DENND4A: variants seen among roughly 807,000 people sequenced by gnomAD.
DENND4A encodes the protein C-myc promoter-binding protein.
Under a neutral mutation model 199.3 loss-of-function variants are expected in DENND4A, and 70 were observed. The observed-to-expected ratio is 0.35, with a 90% confidence interval of 0.29 to 0.43. DENND4A has a LOEUF of 0.43. DENND4A is among the 20% of genes least tolerant of loss of function. The pLI, the probability that DENND4A is intolerant of heterozygous loss-of-function variation, is 1.00. For synonymous variants in DENND4A, 686 were observed against 766.9 expected (o/e 0.89, Z 1.74); for missense variants, 1,723 against 2,255.8 (o/e 0.76, Z 4.78).
chr15:65,779,979 A>T (rs2077393717), intron 1 of DENND4A, among the ~76,000 whole-genome samples: 2 of 151,940 alleles, frequency 1.3e-5, no homozygotes, highest in Admixed American at 1.3e-4. Context: ...GGCTCAAGTG[A>T]TCCTCCTGCT....
At chr15:65,709,742 A>ATATATATATATATATG (rs1596490670) in intron 14 of DENND4A, among the ~76,000 whole-genome samples, 1 of 140,084 alleles carries the variant, frequency 7.1e-6, no homozygotes, top group Non-Finnish European at 1.5e-5. Flanking sequence ...ATATATATAT[A>ATATATATATATATATG]ATCTCGTGAC....
Position 65,703,007 on chromosome 15 carries a change from A to G in DENND4A, c.2089T>C (p.Tyr697His), listed in dbSNP as rs1475775646. The G allele has an allele frequency of 1.2e-6, 2 of 1,610,968 alleles. No homozygotes were observed. The highest frequency in any genetic ancestry group is 1.7e-6 in the Non-Finnish European group (2 of 1,178,908). The change falls in exon 16 of 33, where the codon TAT becomes CAT. Residue 697 changes from tyrosine (Y) to histidine (H), a missense_variant and splice_region_variant. Tyr to His is a moderately conservative substitution (Grantham distance 83, BLOSUM62 2). Around this residue, in one of 6 missense-constraint regions of DENND4A, gnomAD observed 725 missense variants for 952.9 expected, o/e 0.76. Transcript: ENST00000443035. ...NGEEPPLQYS[Y>H]NGFPVLRNNL... The stretch of plus-strand genomic sequence containing the variant: ...TTCCTAAGAACTGGAAATCCATTAT[A>G]GCTGTTTTAGAAAAAACAAAACAAA...
intron 2 of DENND4A, among the ~76,000 whole-genome samples, chr15:65,759,547 T>C (rs184539545): frequency 9.8e-4 from 149 of 152,304 alleles, no homozygotes; most frequent in African/African-American, 3.5e-3. Context: ...TACATACTAA[T>C]GGCGCCTATG....
intron 23 of DENND4A, among the ~76,000 whole-genome samples, chr15:65,688,743 G>A (rs973749309): frequency 1.3e-5 from 2 of 152,208 alleles, no homozygotes; most frequent in Admixed American, 6.5e-5. Context: ...TGCCAGAGGT[G>A]CCATGCCATG....
intron 1 of DENND4A, among the ~76,000 whole-genome samples, chr15:65,774,806 T>C (rs2140913765): frequency 6.7e-6 from 1 of 149,508 alleles, no homozygotes; most frequent in East Asian, 2.2e-4. Context: ...TTATACAATG[T>C]ATTATTTTTG....
chr15:65,755,714 T>C (rs1219057005), intron 3 of DENND4A, among the ~76,000 whole-genome samples: 1 of 152,176 alleles, frequency 6.6e-6, no homozygotes, highest in Non-Finnish European at 1.5e-5. Flanking sequence ...TGTAGTGAGC[T>C]ATGATCATGC....
chr15:65,783,191 C>A (rs1351015415), intron 1 of DENND4A, among the ~76,000 whole-genome samples: 1 of 152,144 alleles, frequency 6.6e-6, no homozygotes, highest in Non-Finnish European at 1.5e-5. Context: ...ACAAAAAGAA[C>A]TGTATATAAG....
chr15:65,778,893 CA>C (rs375471173), intron 1 of DENND4A, among the ~76,000 whole-genome samples: 284 of 107,364 alleles, frequency 2.6e-3, no homozygotes, highest in Admixed American at 5.9e-3. Context: ...GACTCCGCAT[CA>C]AAAAAAAAAA....
At chr15:65,771,441 T>C in intron 1 of DENND4A, 1 of 1,599,610 alleles carries the variant, frequency 6.3e-7, no homozygotes, top group South Asian at 1.1e-5. Context: ...AAGTTTTCTG[T>C]CTGCGTTTTA....
chr15:65,667,436 T>A lies in DENND4A; in HGVS notation c.5241+13A>T. 1 of 1,611,098 alleles carries A rather than the reference T, an allele frequency of 6.2e-7. No homozygotes were observed. The highest frequency in any genetic ancestry group is 1.3e-5 in the African/African-American group (1 of 74,868). On this transcript the variant is annotated intron_variant, in intron 29 of 32. Transcript: ENST00000443035. The stretch of plus-strand genomic sequence containing the variant: ...CAGAAGCATTCATTGCCTTTTAATT[T>A]TTAGTCTCATACCTTTGAATACTTG...
At chr15:65,665,319 A>G (rs1444302599) in intron 30 of DENND4A, 26 bp downstream of exon 30, 1 of 1,575,640 alleles carries the variant, frequency 6.3e-7, no homozygotes. Context: ...ATATGAACAA[A>G]GTCAGCATTC....
intron 1 of DENND4A, among the ~76,000 whole-genome samples, chr15:65,786,746 A>G (rs2077575907): frequency 6.6e-6 from 1 of 152,212 alleles, no homozygotes; most frequent in Admixed American, 6.5e-5. Context: ...GTCAAGATTC[A>G]CACCAAGGGA....
At chr15:65,689,043 T>C (rs2076886399) in intron 23 of DENND4A, among the ~76,000 whole-genome samples, 1 of 152,224 alleles carries the variant, frequency 6.6e-6, no homozygotes, top group Admixed American at 6.5e-5. Context: ...AAGATATCTT[T>C]CCAGTGTCTT....
At chr15:65,738,226 T>G (rs1489280001) in intron 6 of DENND4A, among the ~76,000 whole-genome samples, 4 of 152,122 alleles carry the variant, frequency 2.6e-5, no homozygotes, top group Non-Finnish European at 5.9e-5. Flanking sequence ...TATAAGAAAA[T>G]GATTGAAAAT....
At chr15:65,776,429 G>A (rs1424909905) in intron 1 of DENND4A, among the ~76,000 whole-genome samples, 1 of 152,094 alleles carries the variant, frequency 6.6e-6, no homozygotes, top group Non-Finnish European at 1.5e-5. Context: ...TATAGATTGG[G>A]GATGAAATAA....
intron 8 of DENND4A, among the ~76,000 whole-genome samples, chr15:65,732,463 T>C (rs955768825): frequency 3.9e-5 from 6 of 152,150 alleles, no homozygotes; most frequent in Non-Finnish European, 8.8e-5. Flanking sequence ...GCACAAACTT[T>C]CAAATACCTA....
chr15:65,742,697 C>T (rs1271287444), intron 4 of DENND4A, among the ~76,000 whole-genome samples: 2 of 152,182 alleles, frequency 1.3e-5, no homozygotes, highest in Non-Finnish European at 2.9e-5. Context: ...CCTCGGCCTC[C>T]CAAAGTGTTG....
rs61751115 is a variant in DENND4A at position 65,690,628 on chromosome 15, T to C, written c.3966A>G (p.Arg1322=). 151 of 1,613,660 alleles carry C rather than the reference T, an allele frequency of 9.4e-5. No homozygotes were observed. The African/African-American group carries it at 1.9e-3, about 20-fold the overall frequency. The change falls in exon 23 of 33, where the codon AGA becomes AGG. Residue 1322 remains arginine (R), a synonymous_variant. Transcript: ENST00000443035. ...YTKSEEKPRD[R]LWSSPAFSPT... is the part of the protein sequence containing the mutation. Reference sequence around the variant, plus strand: ...GTGAGAAGGCTGGAGAAGACCAAAGTCTATCCCTTGGTTTCTCCTCACTTT... The same window carrying C: ...GTGAGAAGGCTGGAGAAGACCAAAGCCTATCCCTTGGTTTCTCCTCACTTT...
chr15:65,685,316 CG>C (rs1400669921), intron 23 of DENND4A, among the ~76,000 whole-genome samples: 1 of 152,062 alleles, frequency 6.6e-6, no homozygotes, highest in Non-Finnish European at 1.5e-5. Flanking sequence ...TTAGTAGACA[CG>C]GGGTTTCACT....
Sources: gnomAD v4.1 joint callset for allele counts (sites outside exome capture counted in the v4.1 genomes callset) on GRCh38, gnomAD v4.1.1 for gene constraint, gnomAD v4.1.1 regional missense constraint, MANE v1.5 for transcripts, NCBI Gene and HGNC (gene_info 2026-07-23, HGNC 2026-07-21) for gene names.